MSI1: variants seen among roughly 807,000 people sequenced by gnomAD.
The protein encoded by MSI1 is RNA-binding protein Musashi homolog 1.
In MSI1, 15 loss-of-function variants were observed where a neutral mutation model predicts 54.4. The observed-to-expected ratio is 0.28, with a 90% CI of 0.18 to 0.42. The LOEUF (loss-of-function observed/expected upper bound fraction) is 0.42. Ranked by LOEUF, MSI1 falls within the 20% of genes least tolerant of loss-of-function variation. The pLI is 1.00. For missense variants in MSI1, 304 were observed against 506.0 expected, an observed-to-expected ratio of 0.60 and a Z score of 3.83; for synonymous variants, 200 against 196.5, an observed-to-expected ratio of 1.02 and a Z score of -0.15.
chr12:120,364,798 T>G, intron 4 of MSI1, 43 bp from the exon 5 acceptor site: 1 of 1,564,544 alleles, frequency 6.4e-7, no homozygotes, highest in Non-Finnish European at 8.7e-7. Context: ...GGTTATCGCA[T>G]TTTTAGAAGA....
chr12:120,349,540 C>G (rs542389349), intron 11 of MSI1, among the ~76,000 whole-genome samples: 6 of 152,292 alleles, frequency 3.9e-5, no homozygotes, highest in African/African-American at 1.4e-4. Flanking sequence ...GGCCTGTTTA[C>G]TTGTTTACTG....
Position 120,368,772 on chromosome 12 carries a change from C to A in MSI1, c.100+61G>T. On this transcript the variant is annotated intron_variant, in intron 2 of 14. Coordinates refer to ENST00000257552, the MANE Select transcript of MSI1 (RefSeq NM_002442.4). This position sits in a 1 kb window ranked among gnomAD's most constrained non-coding sequence, Gnocchi z 6.6. ...AGGGCCGGGCTGGGGTGTCCGGGTC[C>A]GGGGCGCCGGGGGGTCCGGGGTGCC... The A allele has an allele frequency of 1.5e-6, 2 of 1,342,748 alleles. No homozygotes were observed. The highest frequency in any genetic ancestry group is 1.7e-5 in the South Asian group (1 of 59,822). 83.2% of individuals were successfully genotyped at this position (1,342,748 alleles called of 1,614,324 possible). A position where few individuals can be genotyped will look rare whatever the true frequency, so the allele number is the denominator to read the frequency against.
intron 6 of MSI1, among the ~76,000 whole-genome samples, chr12:120,361,736 C>A (rs1232377999): frequency 6.6e-6 from 1 of 151,488 alleles, no homozygotes; most frequent in Non-Finnish European, 1.5e-5. Context: ...GGGGGCCCCC[C>A]GCCGCGGGGC....
intron 14 of MSI1, among the ~76,000 whole-genome samples, chr12:120,344,895 A>G (rs1310022480): frequency 3.3e-5 from 5 of 150,830 alleles, no homozygotes; most frequent in Admixed American, 3.3e-4. Flanking sequence ...ACATGCCTGT[A>G]ATCCCAGCTA....
intron 5 of MSI1, 70 bp from the exon 6 acceptor site, chr12:120,363,205 G>A (rs1875793037): frequency 7.4e-7 from 1 of 1,344,640 alleles, no homozygotes; most frequent in Admixed American, 1.7e-5. Context: ...AGGGGCTCGA[G>A]CCCCCCTGCC....
At chr12:120,362,300 C>G (rs1208884656) in intron 6 of MSI1, among the ~76,000 whole-genome samples, 1 of 152,002 alleles carries the variant, frequency 6.6e-6, no homozygotes, top group African/African-American at 2.4e-5. Flanking sequence ...CCAGGGACCC[C>G]GGCCCCAAGC....
chr12:120,345,655 C>T (rs1389241020), intron 13 of MSI1, 23 bp from the exon 14 acceptor site: 5 of 1,613,662 alleles, frequency 3.1e-6, no homozygotes, highest in Non-Finnish European at 4.2e-6. Flanking sequence ...GAATTTGACT[C>T]CTAGATTCCT....
chr12:120,347,297 G>T, intron 12 of MSI1, 149 bp downstream of exon 12: 1 of 1,031,900 alleles, frequency 9.7e-7, no homozygotes, highest in Non-Finnish European at 1.5e-6. Context: ...CTGGCACGAT[G>T]CCCAGCACAG....
intron 5 of MSI1, among the ~76,000 whole-genome samples, chr12:120,364,452 T>C (rs1875893990): frequency 6.6e-6 from 1 of 152,106 alleles, no homozygotes; most frequent in South Asian, 2.1e-4. Context: ...TACAGGACGA[T>C]GAATCCTCTG....
intron 5 of MSI1, among the ~76,000 whole-genome samples, chr12:120,363,600 C>T (rs1875831325): frequency 1.3e-5 from 2 of 152,220 alleles, no homozygotes; most frequent in African/African-American, 4.8e-5. Flanking sequence ...AGGAAGAACA[C>T]ATGGTCCTAA....
chr12:120,358,155 A>G (rs1008861387), intron 7 of MSI1, among the ~76,000 whole-genome samples: 1 of 152,244 alleles, frequency 6.6e-6, no homozygotes, highest in Admixed American at 6.5e-5. Flanking sequence ...AAAGTGGTAG[A>G]GCTGTGATGA....
At position 120,346,222 on chromosome 12, in the gene MSI1, G is replaced by A. The variant is rs773441311; in HGVS notation, c.960C>T (p.Tyr320=). ...TTSPGPMAEL[Y]GAANQDSGVS... ...CCCCCGAGTCCTGGTTGGCCGCCCC[G>A]TAGAGCTCGGCCATGGGGCCGGGGC... Residue 320 remains tyrosine (Y), a synonymous_variant, in exon 13 of 15, where the codon TAC becomes TAT. Transcript: ENST00000257552. The A allele has an allele frequency of 1.7e-5, 27 of 1,597,318 alleles. No homozygotes were observed. The highest frequency in any genetic ancestry group is 4.0e-5 in the African/African-American group (3 of 74,628).
chr12:120,368,305 CG>C lies in MSI1; in HGVS notation c.101-33del, dbSNP rs772197613. 2.4e-5 allele frequency: 37 copies of C among 1,531,850 alleles called. No homozygotes were observed. Among genetic ancestry groups the C allele is most frequent in the Non-Finnish European group, 3.1e-5 (35 of 1,142,862 alleles). The allele number at this position is 1,531,850 out of a possible 1,614,324, so 94.9% of individuals were successfully genotyped here. ...CCACACACCCGCCTTCGGACCAGCC[CG>C]GGCCCCGCGCCCTTCCCCCCCCCCC... On this transcript the variant is annotated intron_variant, in intron 2 of 14. Transcript: ENST00000257552. The surrounding 1 kb of genome is among the most constrained non-coding windows in gnomAD (Gnocchi z 6.6).
At chr12:120,365,336 A>G (rs1013117554) in intron 4 of MSI1, among the ~76,000 whole-genome samples, 1 of 152,130 alleles carries the variant, frequency 6.6e-6, no homozygotes, top group Non-Finnish European at 1.5e-5. Context: ...TCACCTGCAA[A>G]ATGGGCAAAT....
rs1440007292 is a variant in MSI1 at position 120,368,507 on chromosome 12, G to A, written c.101-234C>T. ...GCTGGGCTGGAAGGGGGACGGCTCC[G>A]GCCGGGTTCCCGCCGCTCCGGGAGC... On this transcript the variant is annotated intron_variant, in intron 2 of 14. Coordinates refer to ENST00000257552, the MANE Select transcript of MSI1 (RefSeq NM_002442.4). The surrounding 1 kb of genome is among the most constrained non-coding windows in gnomAD (Gnocchi z 6.6). Among the ~76,000 whole-genome samples the A allele has an allele frequency of 3.9e-5, 6 of 152,124 alleles. No homozygotes were observed. The East Asian group carries it at 5.8e-4, about 15-fold the overall frequency.
chr12:120,355,453 A>C (rs184332875), intron 9 of MSI1, among the ~76,000 whole-genome samples: 1 of 152,208 alleles, frequency 6.6e-6, no homozygotes, highest in East Asian at 1.9e-4. Flanking sequence ...TTATAAACTT[A>C]GGAAGTTGAT....
chr12:120,345,649 T>C lies in MSI1; in HGVS notation c.1048-17A>G. ...CAAAGGGCCCTGAAAAGGAAAGAAT[T>C]TGACTCCTAGATTCCTGGGAAATAG... On this transcript the variant is annotated splice_polypyrimidine_tract_variant and intron_variant, in intron 13 of 14. Transcript: ENST00000257552. 1 of 1,613,864 alleles carries C rather than the reference T, an allele frequency of 6.2e-7. No individual in the cohort carries two copies. The highest frequency in any genetic ancestry group is 8.5e-7 in the Non-Finnish European group (1 of 1,179,890).
intron 7 of MSI1, 35 bp downstream of exon 7, chr12:120,358,970 G>C (rs1875392552): frequency 6.4e-7 from 1 of 1,560,320 alleles, no homozygotes; most frequent in Non-Finnish European, 8.7e-7. Context: ...TGACCACGGG[G>C]CCCAGCCTGG....
In MSI1 at chr12:120,363,140, TA is replaced by T. The variant is rs756571964; in HGVS notation, c.310-6del. ...CTTCTTCGTTCGAGTCACCATCTGT[TA>T]GGGGAGGGAATGAGAAAGTGGGCAT... is the stretch of plus-strand genomic sequence containing the variant. On this transcript the variant is annotated splice_region_variant and splice_polypyrimidine_tract_variant and intron_variant, in intron 5 of 14. Coordinates refer to ENST00000257552, the MANE Select transcript of MSI1 (RefSeq NM_002442.4). The T allele has an allele frequency of 8.1e-6, 13 of 1,613,454 alleles. No homozygotes were observed. The highest frequency in any genetic ancestry group is 1.1e-5 in the Non-Finnish European group (13 of 1,179,652).
Sources: gnomAD v4.1 joint callset for allele counts (sites outside exome capture counted in the v4.1 genomes callset) on GRCh38, gnomAD v4.1.1 for gene constraint, Gnocchi (gnomAD v3.1) non-coding constraint, MANE v1.5 for transcripts, NCBI Gene and HGNC (gene_info 2026-07-23, HGNC 2026-07-21) for gene names.